RPAIN: variants seen among roughly 807,000 people sequenced by gnomAD.
RPAIN encodes RPA-interacting protein.
A neutral mutation model predicts 30.5 loss-of-function variants in RPAIN; 29 were observed. The observed-to-expected ratio is 0.95, with a 90% CI of 0.71 to 1.30. The LOEUF (loss-of-function observed/expected upper bound fraction) is 1.30, where lower values mean the gene tolerates loss of function less well. Among genes scored for constraint, RPAIN ranks in the 50% most tolerant of loss-of-function variants. The pLI, the probability that RPAIN is intolerant of heterozygous loss-of-function variation, is 0.00. For missense variants in RPAIN, 247 were observed against 264.7 expected (o/e 0.93, Z 0.46); for synonymous variants, 101 against 93.5 (o/e 1.08, Z -0.46).
In RPAIN at chr17:5,421,366, G is replaced by A. The variant is rs1346969148; in HGVS notation, c.152G>A (p.Gly51Glu). 1.2e-6 allele frequency: 2 copies of A among 1,614,016 alleles called. No individual in the cohort carries two copies. Among genetic ancestry groups the A allele is most frequent in the Admixed American group, 1.7e-5 (1 of 60,000 alleles). Residue 51 changes from glycine (G) to glutamate (E), a missense_variant, in exon 2 of 7, where the codon GGG becomes GAG. Transcript: ENST00000381209. ...AGGTACCGCCAGGCTGGAAGCAGTG[G>A]GCCAGGGAATTCTCAGAACAGCTTT... is the stretch of plus-strand genomic sequence containing the variant. ...LNRYRQAGSSGPGNSQNSFLV... is the reference protein window; with the variant it reads ...LNRYRQAGSSEPGNSQNSFLV...
chr17:5,421,676 TC>T (rs1914856268), intron 2 of RPAIN: 2 of 417,678 alleles, frequency 4.8e-6, no homozygotes, highest in South Asian at 1.3e-4. Context: ...GACCTGCTCA[TC>T]ACTGCAACAT....
intron 6 of RPAIN, chr17:5,429,514 G>C (rs1412638146): frequency 1.0e-6 from 1 of 984,052 alleles, no homozygotes; most frequent in African/African-American, 1.7e-5. Flanking sequence ...GCTGGTGTTA[G>C]ACCCCAGGTC....
chr17:5,430,219 C>T (rs989305264), intron 6 of RPAIN: 1 of 151,878 alleles, frequency 6.6e-6, no homozygotes, highest in South Asian at 2.1e-4. Context: ...AATCCCCACA[C>T]TTTGGGAGGC....
At chr17:5,427,854 C>A in intron 5 of RPAIN, 1 of 570,124 alleles carries the variant, frequency 1.8e-6, no homozygotes, top group Non-Finnish European at 3.1e-6. Flanking sequence ...GTGTGTTTGA[C>A]AGCAGGAGTA....
intron 6 of RPAIN, chr17:5,431,573 G>A (rs948179018): frequency 8.8e-6 from 4 of 455,706 alleles, no homozygotes; most frequent in African/African-American, 8.0e-5. Flanking sequence ...CATTTGGAAT[G>A]CTCTAGTTCC....
At chr17:5,432,464 C>T (rs1916075334) in intron 6 of RPAIN, 78 bp from the exon 7 acceptor site, 2 of 1,354,656 alleles carry the variant, frequency 1.5e-6, no homozygotes, top group African/African-American at 2.9e-5. Context: ...GTAGAATTCT[C>T]ATTGATTACA....
intron 3 of RPAIN, 145 bp from the exon 4 acceptor site, chr17:5,425,824 TGA>T: frequency 1.6e-6 from 1 of 610,542 alleles, no homozygotes; most frequent in Non-Finnish European, 2.9e-6. Flanking sequence ...GAAGCCAGCC[TGA>T]GAGAGCATAA....
At chr17:5,429,793 A>G (rs1019737644) in intron 6 of RPAIN, 1 of 978,276 alleles carries the variant, frequency 1.0e-6, no homozygotes, top group Non-Finnish European at 1.2e-6. Context: ...CTCCCACTAC[A>G]TTTAAGGATC....
chr17:5,426,665 G>A (rs1396574320), intron 5 of RPAIN: 2 of 183,614 alleles, frequency 1.1e-5, no homozygotes, highest in Admixed American at 5.6e-5. Context: ...TTTTGAGACG[G>A]AGTCTCACTC....
Position 5,425,987 on chromosome 17 carries a change from C to T in RPAIN, c.330C>T (p.Ser110=), listed in dbSNP as rs142664022. The T allele has an allele frequency of 8.8e-4, 1,415 of 1,613,170 alleles. 1 individual carries two copies. The highest frequency in any genetic ancestry group is 1.1e-3 in the Non-Finnish European group (1,333 of 1,179,470). The part of the protein sequence containing the change: ...ELINQEQSII[S]EYEKSLQFDE... Reference sequence around the variant, plus strand: ...GCCTTGCAGAGCAGTCCATCATCAGCGAGTATGAGAAGAGCTTGCAGTTTG... The same window carrying T: ...GCCTTGCAGAGCAGTCCATCATCAGTGAGTATGAGAAGAGCTTGCAGTTTG... The change falls in exon 4 of 7, where the codon AGC becomes AGT. Residue 110 remains serine, a synonymous_variant. Transcript: ENST00000381209.
chr17:5,426,148 C>A (rs1448157647), intron 4 of RPAIN, 66 bp downstream of exon 4: 1 of 1,553,090 alleles, frequency 6.4e-7, no homozygotes, highest in Non-Finnish European at 8.9e-7. Flanking sequence ...TGAGTGGAAT[C>A]TCCCCCCAGA....
Position 5,422,829 on chromosome 17 carries a change from G to C in RPAIN, c.313G>C (p.Glu105Gln), listed in dbSNP as rs1213129943. 1.9e-6 allele frequency: 3 copies of C among 1,607,096 alleles called. No homozygotes were observed. The African/African-American group carries it at 4.0e-5, about 21-fold the overall frequency. The change falls in exon 3 of 7, where the codon GAG (glutamate) becomes CAG (glutamine). Residue 105 changes from glutamate to glutamine, a missense_variant and splice_region_variant. Glu to Gln is a conservative substitution (Grantham distance 29). Coordinates refer to ENST00000381209, the MANE Select transcript of RPAIN (RefSeq NM_001033002.4). ...AATTCAACAGGAGCTGATCAACCAA[G>C]GTAACCCCTAGTGGTAGTCCTTCCT... is the stretch of plus-strand genomic sequence containing the variant. Reference protein sequence around the residue: ...EEIQQELINQEQSIISEYEKS... With the variant: ...EEIQQELINQQQSIISEYEKS...
At chr17:5,430,430 G>A in intron 6 of RPAIN, 1 of 152,810 alleles carries the variant, frequency 6.5e-6, no homozygotes, top group Non-Finnish European at 1.5e-5. Flanking sequence ...TTACGCCACT[G>A]CTCTCCAGCC....
chr17:5,422,684 A>G (rs1212302849), intron 2 of RPAIN, 85 bp from the exon 3 acceptor site: 2 of 1,303,508 alleles, frequency 1.5e-6, no homozygotes, highest in Non-Finnish European at 2.2e-6. Flanking sequence ...TGGGTTCTTC[A>G]AGCCAGCCTC....
chr17:5,429,267 C>T (rs904937410), intron 6 of RPAIN: 50 of 985,334 alleles, frequency 5.1e-5, no homozygotes, highest in Middle Eastern at 5.2e-4. Context: ...AGCATGGAAT[C>T]GATCTGGACA....
intron 3 of RPAIN, chr17:5,425,468 TGG>T (rs1277160925): frequency 2.5e-6 from 1 of 401,832 alleles, no homozygotes; most frequent in South Asian, 1.9e-5. Flanking sequence ...CCCGAGTAGC[TGG>T]GATTATAGAC....
rs188265500 is a variant in RPAIN, at chr17:5,428,967, G to C, written c.630+756G>C. On this transcript the variant is annotated intron_variant, in intron 6 of 6. Transcript: ENST00000381209. Reference sequence around the variant, plus strand: ...TCATTCCAAATGCAGTTAACCTACAGAGGTCATTTTTATTATAAGCAGCAT... The same window carrying C: ...TCATTCCAAATGCAGTTAACCTACACAGGTCATTTTTATTATAAGCAGCAT... The C allele has an allele frequency of 3.3e-5, 32 of 962,798 alleles. No individual in the cohort carries two copies. In the East Asian group the frequency reaches 3.0e-3, roughly 90 times the overall value. The allele number at this position is 962,798 out of a possible 1,614,324, so 59.6% of individuals were successfully genotyped here. A position where few individuals can be genotyped will look rare whatever the true frequency, so the allele number is the denominator to read the frequency against.
chr17:5,429,488 A>G (rs1915706509), intron 6 of RPAIN: 1 of 984,346 alleles, frequency 1.0e-6, no homozygotes. Flanking sequence ...AAATTTTACT[A>G]CTAATAAGCG....
intron 6 of RPAIN, chr17:5,431,626 T>C (rs759238759): frequency 6.6e-6 from 3 of 456,486 alleles, no homozygotes; most frequent in African/African-American, 2.0e-5. Context: ...CAAGGACCAT[T>C]GTGTTAGAAT....
Sources: gnomAD v4.1 joint callset for allele counts on GRCh38, gnomAD v4.1.1 for gene constraint, MANE v1.5 for transcripts, NCBI Gene and HGNC (gene_info 2026-07-23, HGNC 2026-07-21) for gene names.